PABIR3: variants seen among roughly 807,000 people sequenced by gnomAD.
The protein encoded by PABIR3 is PABIR family member 3.
Under a neutral mutation model 23.1 loss-of-function variants are expected in PABIR3, and 20 were observed. That is an observed-to-expected ratio of 0.86 (90% confidence interval 0.61 to 1.26). PABIR3 has a LOEUF of 1.26. PABIR3 is among the 50% of genes most tolerant of loss of function. The pLI, the probability that PABIR3 is intolerant of heterozygous loss-of-function variation, is 0.00. For missense variants in PABIR3, 189 were observed against 195.4 expected, an observed-to-expected ratio of 0.97 and a Z score of 0.20; for synonymous variants, 69 against 68.5, an observed-to-expected ratio of 1.01 and a Z score of -0.04.
At chrX:134,837,724 C>T (rs1251716580) in intron 4 of PABIR3, among the ~76,000 whole-genome samples, 1 of 112,108 alleles carries the variant, frequency 8.9e-6, no homozygotes, top group Admixed American at 9.5e-5. Context: ...CACTCTTCTC[C>T]TAACAACCTT....
At chrX:134,825,749 G>A (rs1039369996) in intron 3 of PABIR3, among the ~76,000 whole-genome samples, 5 of 108,669 alleles carry the variant, frequency 4.6e-5, no homozygotes, top group African/African-American at 1.7e-4. Flanking sequence ...TGCAACCTCC[G>A]CCTCCCAGGT....
At chrX:134,824,594 G>A (rs1359917155) in intron 3 of PABIR3, among the ~76,000 whole-genome samples, 3 of 111,945 alleles carry the variant, frequency 2.7e-5, no homozygotes, top group Non-Finnish European at 5.6e-5. Context: ...GAAGCCAGGA[G>A]TTCGAGACCA....
chrX:134,809,239 C>T (rs2080465375), intron 2 of PABIR3: 4 of 124,045 alleles, frequency 3.2e-5, no homozygotes, highest in South Asian at 1.8e-4. Context: ...GATCTCGGCT[C>T]ACTGCAACCT....
At chrX:134,839,681 G>A (rs1240997199) in intron 4 of PABIR3, 2 of 113,266 alleles carry the variant, frequency 1.8e-5, no homozygotes, top group African/African-American at 3.3e-5. Context: ...CCATCCAGGA[G>A]GGAGGTGGGG....
At position 134,837,691 on chromosome X, in the gene PABIR3, A is replaced by G. The variant is rs1408500703; in HGVS notation, c.247-7514A>G. The stretch of plus-strand genomic sequence containing the variant: ...CTCAAATCCATTTTGGAAATAGGCA[A>G]GACATAAATGAAAAAGAGTCAACAC... On this transcript the variant is annotated intron_variant, in intron 4 of 10. Coordinates refer to ENST00000645433, the MANE Select transcript of PABIR3 (RefSeq NM_001388447.1). Among the ~76,000 whole-genome samples, 20 of 112,210 alleles carry G rather than the reference A, an allele frequency of 1.8e-4. No homozygotes were observed. The Admixed American group carries it at 1.8e-3, about 10-fold the overall frequency.
intron 2 of PABIR3, chrX:134,810,170 C>G: frequency 1.3e-6 from 1 of 754,425 alleles, no homozygotes; most frequent in Non-Finnish European, 1.6e-6. Flanking sequence ...CCTGTGGATC[C>G]TCTTTAATGT....
upstream of PABIR3, chrX:134,804,182 G>T: frequency 3.5e-6 from 4 of 1,143,882 alleles, no homozygotes; most frequent in Non-Finnish European, 4.6e-6. Flanking sequence ...TCTAACAAAA[G>T]CAGTGTCCCA....
At chrX:134,819,792 G>A (rs373258603) in intron 3 of PABIR3, among the ~76,000 whole-genome samples, 4 of 111,135 alleles carry the variant, frequency 3.6e-5, no homozygotes, top group South Asian at 7.7e-4. Flanking sequence ...GGCTGAGACA[G>A]GAAAATCGCT....
intron 4 of PABIR3, among the ~76,000 whole-genome samples, chrX:134,830,295 C>G (rs2148260278): frequency 1.9e-5 from 2 of 105,062 alleles, no homozygotes; most frequent in South Asian, 8.6e-4. Context: ...TATCCACTAG[C>G]AAGAAAGTAT....
At chrX:134,827,062 G>C (rs1030011136) in intron 3 of PABIR3, among the ~76,000 whole-genome samples, 7 of 111,572 alleles carry the variant, frequency 6.3e-5, no homozygotes, top group African/African-American at 9.8e-5. Flanking sequence ...CCAGGTTCAA[G>C]TGATTCTTCT....
At chrX:134,832,692 C>T (rs899856485) in intron 4 of PABIR3, among the ~76,000 whole-genome samples, 4 of 111,108 alleles carry the variant, frequency 3.6e-5, no homozygotes, top group African/African-American at 1.3e-4. Flanking sequence ...CGTGAGCCAC[C>T]GTGCCCAGCC....
chrX:134,840,670 G>A, intron 4 of PABIR3, among the ~76,000 whole-genome samples: 1 of 110,966 alleles, frequency 9.0e-6, no homozygotes, highest in Admixed American at 9.7e-5. Context: ...CAAAGCCGGG[G>A]TCCTGACAAT....
intron 1 of PABIR3, among the ~76,000 whole-genome samples, chrX:134,800,364 T>C (rs1349672095): frequency 1.8e-5 from 2 of 110,657 alleles, no homozygotes; most frequent in African/African-American, 6.6e-5. Flanking sequence ...CTCTGGTGGC[T>C]GAGGTGGGAG....
intron 7 of PABIR3, 80 bp from the exon 8 acceptor site, chrX:134,847,803 C>T: frequency 1.2e-6 from 1 of 815,097 alleles, no homozygotes; most frequent in Non-Finnish European, 1.8e-6. Flanking sequence ...CCTACCATCC[C>T]TGCCCCTCCC....
intron 6 of PABIR3, among the ~76,000 whole-genome samples, 158 bp downstream of exon 6, chrX:134,845,559 A>AT (rs770297862): frequency 7.7e-4 from 82 of 107,081 alleles, no homozygotes; most frequent in African/African-American, 2.0e-3. Flanking sequence ...GCTCTTTTTA[A>AT]TTTTTTTTTT....
At chrX:134,819,799 C>T (rs2081177665) in intron 3 of PABIR3, among the ~76,000 whole-genome samples, 1 of 111,031 alleles carries the variant, frequency 9.0e-6, no homozygotes, top group African/African-American at 3.3e-5. Flanking sequence ...ACAGGAAAAT[C>T]GCTTGAACCC....
At chrX:134,832,003 C>T (rs1245499404) in intron 4 of PABIR3, among the ~76,000 whole-genome samples, 1 of 111,503 alleles carries the variant, frequency 9.0e-6, no homozygotes, top group East Asian at 2.8e-4. Flanking sequence ...TGAGGCTGGG[C>T]GCAGTGGCTC....
chrX:134,830,559 C>G (rs2081737180), intron 4 of PABIR3, among the ~76,000 whole-genome samples: 2 of 109,552 alleles, frequency 1.8e-5, no homozygotes, highest in African/African-American at 6.7e-5. Context: ...TCTTGAACTC[C>G]TGACCTCAGG....
At chrX:134,851,906 A>G (rs931291158) in intron 9 of PABIR3, among the ~76,000 whole-genome samples, 4 of 112,049 alleles carry the variant, frequency 3.6e-5, no homozygotes, top group Admixed American at 9.6e-5. Flanking sequence ...GCTCAGGTCC[A>G]GAAATGATTA....
Sources: allele counts gnomAD v4.1 joint callset (sites outside exome capture counted in the v4.1 genomes callset), GRCh38; gene constraint gnomAD v4.1.1; transcripts MANE v1.5; gene names NCBI Gene and HGNC (gene_info 2026-07-23, HGNC 2026-07-21).